Variants in MSL1 observed in about 807,000 individuals in gnomAD.
MSL1 encodes the protein male-specific lethal 1 homolog.
In MSL1, 21 loss-of-function variants were observed where a neutral mutation model predicts 64.6. The observed-to-expected ratio is 0.33, with a 90% CI of 0.23 to 0.47. MSL1 has a LOEUF of 0.47. Among genes scored for constraint, MSL1 ranks in the 20% least tolerant of loss-of-function variants. The probability of loss-of-function intolerance (pLI) is 1.00; values close to 1 mark genes in which losing one functional copy is unlikely to be tolerated. For missense variants in MSL1, 664 were observed against 793.2 expected (o/e 0.84, Z 1.96); for synonymous variants, 339 against 329.6 (o/e 1.03, Z -0.31).
rs1988183636 is a variant in MSL1, at chr17:40,122,133, G to A, written c.-480G>A. On this transcript the variant is annotated 5_prime_UTR_variant, in exon 1 of 9. Coordinates refer to ENST00000398532, the MANE Select transcript of MSL1 (RefSeq NM_001365919.1). The surrounding 1 kb of genome is among the most constrained non-coding windows in gnomAD (Gnocchi z 4.2). ...CAGACCCCCTCTCCCGGAGTAGGAGGGCTTTGGGCGGACCCAGCCCTCCAC... is the reference window on the plus strand; with the variant it reads ...CAGACCCCCTCTCCCGGAGTAGGAGAGCTTTGGGCGGACCCAGCCCTCCAC... 6.6e-6 allele frequency among the ~76,000 whole-genome samples: 1 copy of A among 151,452 alleles called. No homozygotes were observed. The highest frequency in any genetic ancestry group is 1.5e-5 in the Non-Finnish European group (1 of 67,706).
intron 5 of MSL1, among the ~76,000 whole-genome samples, chr17:40,132,503 T>C (rs549331881): frequency 0.016 from 2,384 of 152,144 alleles, 29 homozygotes; most frequent in Non-Finnish European, 0.024. Flanking sequence ...CCGGGCGTGG[T>C]GGCGCACACC....
intron 3 of MSL1, 194 bp downstream of exon 3, chr17:40,129,821 A>G (rs1409560391): frequency 5.0e-6 from 3 of 603,776 alleles, no homozygotes; most frequent in East Asian, 3.1e-5. Flanking sequence ...AATGTGCTCA[A>G]TGTATTTGCC....
Position 40,131,564 on chromosome 17 carries a change from G to A in MSL1, c.1403G>A (p.Gly468Glu). ...TGTCTGATGCCATCAAGTGTTGCAGGAGAAACTTCAGTCTTGGCTGGTGAG... is the reference window on the plus strand; with the variant it reads ...TGTCTGATGCCATCAAGTGTTGCAGAAGAAACTTCAGTCTTGGCTGGTGAG... Reference protein sequence around the residue: ...ARCLMPSSVAGETSVLAVPSW... With the variant: ...ARCLMPSSVAEETSVLAVPSW... The change falls in exon 4 of 9, where the codon GGA becomes GAA. Residue 468 changes from glycine (G) to glutamate (E), a missense_variant. By Grantham distance (98) the Gly-to-Glu change is moderately conservative. Coordinates refer to ENST00000398532, the MANE Select transcript of MSL1 (RefSeq NM_001365919.1). This position sits in a 1 kb window ranked among gnomAD's most constrained non-coding sequence, Gnocchi z 4.5. The A allele has an allele frequency of 6.2e-7, 1 of 1,613,816 alleles. No individual in the cohort carries two copies. Among genetic ancestry groups the A allele is most frequent in the Non-Finnish European group, 8.5e-7 (1 of 1,179,800 alleles).
intron 2 of MSL1, among the ~76,000 whole-genome samples, chr17:40,127,678 CT>C (rs1263319008): frequency 6.6e-6 from 1 of 152,184 alleles, no homozygotes; most frequent in Non-Finnish European, 1.5e-5. Context: ...CAGGCTCTCA[CT>C]TTGTTTCCCA....
Position 40,134,030 on chromosome 17 carries a change from C to A in MSL1, c.1754+131C>A, listed in dbSNP as rs957046665. The A allele has an allele frequency of 4.9e-6, 4 of 808,448 alleles. No individual in the cohort carries two copies. The East Asian group carries it at 1.0e-4, about 21-fold the overall frequency. 50.1% of individuals were successfully genotyped at this position (808,448 alleles called of 1,614,324 possible). A position where few individuals can be genotyped will look rare whatever the true frequency, so the allele number is the denominator to read the frequency against. ...TGGGTCTTTGACAGAAATGAGGCTA[C>A]CTGGGCAACTAGCTTTTGTAATAAG... is the stretch of plus-strand genomic sequence containing the variant. On this transcript the variant is annotated intron_variant, in intron 8 of 8. Transcript: ENST00000398532.
chr17:40,124,233 G>T (rs1988260926), intron 1 of MSL1, among the ~76,000 whole-genome samples: 1 of 151,992 alleles, frequency 6.6e-6, no homozygotes, highest in African/African-American at 2.4e-5. Flanking sequence ...AGCTGGGGTG[G>T]GGGGTATTAC....
At chr17:40,126,126 A>G (rs79575939) in intron 1 of MSL1, 57 bp from the exon 2 acceptor site, 44,322 of 1,493,758 alleles carry the variant, frequency 0.03, 818 homozygotes, top group Non-Finnish European at 0.036. Context: ...GGGGCTAAGT[A>G]TCTGTGTGTT....
At chr17:40,133,980 G>C (rs1326312517) in intron 8 of MSL1, 81 bp downstream of exon 8, 7 of 1,311,340 alleles carry the variant, frequency 5.3e-6, no homozygotes, top group Non-Finnish European at 7.7e-6. Context: ...ATATGAGGTG[G>C]AACCAGGTGG....
In MSL1 at chr17:40,133,816, T is replaced by C; in HGVS notation, c.1682-11T>C. On this transcript the variant is annotated splice_polypyrimidine_tract_variant and intron_variant, in intron 7 of 8. Transcript: ENST00000398532. Reference sequence around the variant, plus strand: ...ATTACTAATACGCTCCCGTTTGACTTTCTCCCATAGTTGAAAGTTTGATGA... The same window carrying C: ...ATTACTAATACGCTCCCGTTTGACTCTCTCCCATAGTTGAAAGTTTGATGA... The C allele has an allele frequency of 6.2e-7, 1 of 1,613,886 alleles. No homozygotes were observed. Among genetic ancestry groups the C allele is most frequent in the Non-Finnish European group, 8.5e-7 (1 of 1,179,784 alleles).
Position 40,126,318 on chromosome 17 carries a change from C to T in MSL1, c.904C>T (p.Leu302=). 2 of 1,613,980 alleles carry T rather than the reference C, an allele frequency of 1.2e-6. No individual in the cohort carries two copies. Among genetic ancestry groups the T allele is most frequent in the Non-Finnish European group, 1.7e-6 (2 of 1,179,894 alleles). The change falls in exon 2 of 9, where the codon CTG becomes TTG. Residue 302 remains leucine, a synonymous_variant. Coordinates refer to ENST00000398532, the MANE Select transcript of MSL1 (RefSeq NM_001365919.1). The part of the protein sequence containing the change: ...EETELSEKIK[L]ECQPELSETS... The stretch of plus-strand genomic sequence containing the variant: ...AACAGAGCTATCTGAGAAAATTAAA[C>T]TGGAGTGCCAGCCGGAGCTTTCCGA...
chr17:40,122,805 G>A lies in MSL1; in HGVS notation c.193G>A (p.Gly65Arg), dbSNP rs1290480190. ...PGPPLASSQGGSPAPSPAGCG... is the reference protein window; with the variant it reads ...PGPPLASSQGRSPAPSPAGCG... Reference sequence around the variant, plus strand: ...GCCCCCGCTGGCCTCCTCCCAGGGCGGGAGCCCCGCGCCTTCCCCGGCCGG... The same window carrying A: ...GCCCCCGCTGGCCTCCTCCCAGGGCAGGAGCCCCGCGCCTTCCCCGGCCGG... Residue 65 changes from glycine (G) to arginine (R), a missense_variant, in exon 1 of 9, where the codon GGG (glycine) becomes AGG (arginine). By Grantham distance (125) the Gly-to-Arg change is moderately radical. Transcript: ENST00000398532. This position sits in a 1 kb window ranked among gnomAD's most constrained non-coding sequence, Gnocchi z 4.2. 7.3e-6 allele frequency: 10 copies of A among 1,372,240 alleles called. No individual in the cohort carries two copies. Among genetic ancestry groups the A allele is most frequent in the South Asian group, 1.7e-5 (1 of 59,242 alleles). The allele number at this position is 1,372,240 out of a possible 1,614,324, so 85.0% of individuals were successfully genotyped here.
rs374637971 is a variant in MSL1, at chr17:40,127,524, A to G, written c.992+1118A>G. 1.4e-4 allele frequency among the ~76,000 whole-genome samples: 21 copies of G among 152,296 alleles called. No homozygotes were observed. In the East Asian group the frequency reaches 2.3e-3, roughly 17 times the overall value. On this transcript the variant is annotated intron_variant, in intron 2 of 8. Transcript: ENST00000398532. ...GAGATAGGGTCTCTCTCTGTCACCC[A>G]GGCTGGGGTGCAAGTGTCGCCAACA...
At chr17:40,123,476 G>A (rs938496889) in intron 1 of MSL1, 96 bp downstream of exon 1, 2 of 1,268,008 alleles carry the variant, frequency 1.6e-6, no homozygotes, top group Admixed American at 2.5e-5. Context: ...CCCCGGGTTA[G>A]GGGTAAAGGA....
In MSL1 at chr17:40,136,308, G is replaced by A. The variant is rs1245392405; in HGVS notation, c.*1939G>A. 6.6e-6 allele frequency: 1 copy of A among 152,292 alleles called. No individual in the cohort carries two copies. The highest frequency in any genetic ancestry group is 1.5e-5 in the Non-Finnish European group (1 of 68,024). The allele number at this position is 152,292 out of a possible 1,614,324, so 9.4% of individuals were successfully genotyped here. On this transcript the variant is annotated 3_prime_UTR_variant, in exon 9 of 9. Transcript: ENST00000398532. ...GTAGACTGAGAAGAATCCACGAGGT[G>A]CTATCTGGCCAGATTTAAGTAGATT...
rs1598409250 is a variant in MSL1 at position 40,122,580 on chromosome 17, C to T, written c.-33C>T. ...CCTCGCCCCTTCCCCACCCCCTCCT[C>T]CGCCTCGGTGCCCGGCGCTGCTCCG... On this transcript the variant is annotated 5_prime_UTR_variant, in exon 1 of 9. Transcript: ENST00000398532. This position sits in a 1 kb window ranked among gnomAD's most constrained non-coding sequence, Gnocchi z 4.2. 1 of 1,390,266 alleles carries T rather than the reference C, an allele frequency of 7.2e-7. No homozygotes were observed. 86.1% of individuals were successfully genotyped at this position (1,390,266 alleles called of 1,614,324 possible). A position where few individuals can be genotyped will look rare whatever the true frequency, so the allele number is the denominator to read the frequency against.
intron 1 of MSL1, 80 bp downstream of exon 1, chr17:40,123,460 A>C (rs773783428): frequency 6.7e-5 from 94 of 1,407,694 alleles, no homozygotes; most frequent in Non-Finnish European, 9.1e-5. Flanking sequence ...TAGGAGGTTA[A>C]GGCACCCCCG....
In MSL1 at chr17:40,122,973, G is replaced by A; in HGVS notation, c.361G>A (p.Ala121Thr). Residue 121 changes from alanine to threonine, a missense_variant, in exon 1 of 9, where the codon GCC (alanine) becomes ACC (threonine). Transcript: ENST00000398532. The surrounding 1 kb of genome is among the most constrained non-coding windows in gnomAD (Gnocchi z 4.2). ...CGGCATTGGGGGGGAGCCTGCCGCAGCCGGAGCCGGCTGCAGCCCCCGGCC... is the reference window on the plus strand; with the variant it reads ...CGGCATTGGGGGGGAGCCTGCCGCAACCGGAGCCGGCTGCAGCCCCCGGCC... ...QAGIGGEPAAAGAGCSPRPKY... is the reference protein window; with the variant it reads ...QAGIGGEPAATGAGCSPRPKY... 6.5e-7 allele frequency: 1 copy of A among 1,527,584 alleles called. No individual in the cohort carries two copies. Among genetic ancestry groups the A allele is most frequent in the African/African-American group, 1.4e-5 (1 of 71,346 alleles). The allele number at this position is 1,527,584 out of a possible 1,614,324, so 94.6% of individuals were successfully genotyped here. A position where few individuals can be genotyped will look rare whatever the true frequency, so the allele number is the denominator to read the frequency against.
Position 40,129,634 on chromosome 17 carries a change from C to A in MSL1, c.1375+7C>A. ...AAGGAGGAGACTGTAGCAAGTAAGG[C>A]ATAGAGAACACTTGCTCTTATACCC... On this transcript the variant is annotated splice_region_variant and intron_variant, in intron 3 of 8. Transcript: ENST00000398532. 6.3e-7 allele frequency: 1 copy of A among 1,583,458 alleles called. No individual in the cohort carries two copies. The highest frequency in any genetic ancestry group is 1.2e-5 in the South Asian group (1 of 86,442).
At chr17:40,132,936 C>G (rs998104372) in intron 5 of MSL1, 106 bp from the exon 6 acceptor site, 13 of 1,046,718 alleles carry the variant, frequency 1.2e-5, no homozygotes, top group Non-Finnish European at 2.9e-6. Context: ...CAGGTAGAAC[C>G]GGAAGGTGAA....
Sources: allele counts gnomAD v4.1 joint callset (sites outside exome capture counted in the v4.1 genomes callset), GRCh38; gene constraint gnomAD v4.1.1; non-coding constraint Gnocchi (gnomAD v3.1); transcripts MANE v1.5; gene names NCBI Gene and HGNC (gene_info 2026-07-23, HGNC 2026-07-21).